Variants in ASXL2 observed in about 807,000 individuals in gnomAD.
ASXL2 encodes the protein putative Polycomb group protein ASXL2.
In ASXL2, 23 loss-of-function variants were observed where a neutral mutation model predicts 122.0. That is an observed-to-expected ratio of 0.19 (90% confidence interval 0.14 to 0.27). The LOEUF (loss-of-function observed/expected upper bound fraction) is 0.27. Among genes scored for constraint, ASXL2 ranks in the 10% least tolerant of loss-of-function variants. ASXL2 has a pLI of 1.00. For synonymous variants in ASXL2, 650 were observed against 637.0 expected, an observed-to-expected ratio of 1.02 and a Z score of -0.31; for missense variants, 1,518 against 1,713.8, an observed-to-expected ratio of 0.89 and a Z score of 2.02.
chr2:25,867,633 T>A (rs1270779859), intron 1 of ASXL2, among the ~76,000 whole-genome samples: 1 of 152,148 alleles, frequency 6.6e-6, no homozygotes, highest in Admixed American at 6.6e-5. Context: ...CATTATTATC[T>A]CCTGCCTAAA....
Position 25,806,281 on chromosome 2 carries a change from T to C in ASXL2, c.200A>G (p.Glu67Gly). The C allele has an allele frequency of 6.2e-7, 1 of 1,613,558 alleles. No individual in the cohort carries two copies. Among genetic ancestry groups the C allele is most frequent in the Non-Finnish European group, 8.5e-7 (1 of 1,179,710 alleles). Residue 67 changes from glutamate (E) to glycine (G), a missense_variant, in exon 4 of 13, where the codon GAA becomes GGA. Glu to Gly is a moderately conservative substitution (Grantham distance 98, BLOSUM62 -2). Around this residue, in one of 8 missense-constraint regions of ASXL2, gnomAD observed 12 missense variants for 60.0 expected, o/e 0.20. Transcript: ENST00000435504. ...TGGAACCTTATAGAAGATGCCCTCT[T>C]CACCTCTGGAGTTTGTGTGAAGCAT... The part of the protein sequence containing the change: ...NAMLHTNSRG[E>G]EGIFYKVPGR...
chr2:25,823,233 G>C (rs1314329425), intron 3 of ASXL2, among the ~76,000 whole-genome samples: 3 of 152,180 alleles, frequency 2.0e-5, no homozygotes, highest in South Asian at 2.1e-4. Flanking sequence ...TGATGCAGCA[G>C]TTGTGATAAA....
chr2:25,763,226 C>G (rs1344348493), intron 8 of ASXL2, among the ~76,000 whole-genome samples: 1 of 146,072 alleles, frequency 6.8e-6, no homozygotes, highest in Admixed American at 6.7e-5. Context: ...TGGCTCATGC[C>G]TGTAATCCCA....
chr2:25,783,618 A>G, intron 5 of ASXL2, among the ~76,000 whole-genome samples: 1 of 151,570 alleles, frequency 6.6e-6, no homozygotes. Flanking sequence ...TATTGACAGG[A>G]GGTATTCAGT....
At chr2:25,866,331 A>G (rs2089904076) in intron 1 of ASXL2, among the ~76,000 whole-genome samples, 1 of 152,002 alleles carries the variant, frequency 6.6e-6, no homozygotes, top group Admixed American at 6.6e-5. Flanking sequence ...AGGTTTCACC[A>G]TGTTGGCCAG....
At chr2:25,750,915 A>C (rs35728552) in intron 11 of ASXL2, among the ~76,000 whole-genome samples, 58,862 of 152,024 alleles carry the variant, frequency 0.39, 13,111 homozygotes, top group Non-Finnish European at 0.51. Flanking sequence ...ACCCAGGCCC[A>C]AAAAATCTAA....
intron 3 of ASXL2, among the ~76,000 whole-genome samples, chr2:25,828,508 C>A (rs377490140): frequency 1.6e-3 from 156 of 100,026 alleles, no homozygotes; most frequent in East Asian, 2.5e-3. Context: ...AACTCCATTT[C>A]AAAAAAAAAA....
chr2:25,787,613 C>T (rs535481570), intron 5 of ASXL2, among the ~76,000 whole-genome samples: 56 of 152,198 alleles, frequency 3.7e-4, no homozygotes, highest in South Asian at 6.2e-4. Flanking sequence ...TATATATCAG[C>T]AACACACAAT....
intron 8 of ASXL2, among the ~76,000 whole-genome samples, chr2:25,763,212 G>A (rs956551219): frequency 2.4e-4 from 36 of 151,858 alleles, no homozygotes; most frequent in African/African-American, 8.3e-4. Flanking sequence ...CAGGCTGGGC[G>A]CAGTGGCTCA....
At chr2:25,855,835 CA>C (rs200980536) in intron 1 of ASXL2, among the ~76,000 whole-genome samples, 41,886 of 105,566 alleles carry the variant, frequency 0.4, 6,738 homozygotes, top group African/African-American at 0.48. Flanking sequence ...GACTCCGTCT[CA>C]AAAAAAAAAA....
rs2087906826 is a variant in ASXL2, at chr2:25,744,480, A to AAAG, written c.1861-7_1861-5dup. On this transcript the variant is annotated splice_region_variant and splice_polypyrimidine_tract_variant and intron_variant, in intron 12 of 12. Coordinates refer to ENST00000435504, the MANE Select transcript of ASXL2 (RefSeq NM_018263.6). This position sits in a 1 kb window ranked among gnomAD's most constrained non-coding sequence, Gnocchi z 4.7. ...GGGAGATTCTGGAGACCGGGATCTG[A>AAAG]AAGAAGTAGAGGGGAAAAAAACAAC... 6.3e-7 allele frequency: 1 copy of AAAG among 1,586,638 alleles called. No homozygotes were observed. The highest frequency in any genetic ancestry group is 2.2e-5 in the East Asian group (1 of 44,702).
Position 25,734,273 on chromosome 2 carries a change from A to C in ASXL2, c.*7756T>G, listed in dbSNP as rs541052913. 2.0e-5 allele frequency: 3 copies of C among 152,244 alleles called. No individual in the cohort carries two copies. In the South Asian group the frequency reaches 6.2e-4, roughly 32 times the overall value. 9.4% of individuals were successfully genotyped at this position (152,244 alleles called of 1,614,324 possible). On this transcript the variant is annotated 3_prime_UTR_variant, in exon 13 of 13. Transcript: ENST00000435504. ...CTAGAATCTGTCTCCTTATCTAACA[A>C]AGGGGTAACCAAATCCAAGACTCTG...
intron 3 of ASXL2, among the ~76,000 whole-genome samples, chr2:25,832,130 A>C (rs2149187060): frequency 6.6e-6 from 1 of 152,338 alleles, no homozygotes; most frequent in African/African-American, 2.4e-5. Flanking sequence ...GGAAGAAAAA[A>C]CAGAAAGAAC....
At position 25,743,201 on chromosome 2, in the gene ASXL2, C is replaced by A. The variant is rs2087866756; in HGVS notation, c.3136G>T (p.Asp1046Tyr). 1 of 1,613,916 alleles carries A rather than the reference C, an allele frequency of 6.2e-7. No homozygotes were observed. Among genetic ancestry groups the A allele is most frequent in the East Asian group, 2.2e-5 (1 of 44,878 alleles). ...TATTGGTGTGTGTCAATGCTGGAGT[C>A]CCTCAGCTCCTTAGCTGAAAAGAGC... ...LQLFSAKELR[D>Y]SSIDTHQYHE... The change falls in exon 13 of 13, where the codon GAC becomes TAC. Residue 1046 changes from aspartate to tyrosine, a missense_variant. By Grantham distance (160) the Asp-to-Tyr change is radical. Coordinates refer to ENST00000435504, the MANE Select transcript of ASXL2 (RefSeq NM_018263.6).
chr2:25,877,392 TA>T (rs1439026635), intron 1 of ASXL2, among the ~76,000 whole-genome samples: 1 of 152,196 alleles, frequency 6.6e-6, no homozygotes, highest in Non-Finnish European at 1.5e-5. Context: ...AATCTACCTC[TA>T]AATTTCGTCA....
intron 5 of ASXL2, among the ~76,000 whole-genome samples, chr2:25,782,516 A>G (rs1465077523): frequency 6.6e-6 from 1 of 152,174 alleles, no homozygotes; most frequent in African/African-American, 2.4e-5. Flanking sequence ...ACTGCTCTCT[A>G]GCCTGGGCAA....
At chr2:25,855,130 C>T (rs946766930) in intron 1 of ASXL2, among the ~76,000 whole-genome samples, 1 of 152,190 alleles carries the variant, frequency 6.6e-6, no homozygotes, top group Non-Finnish European at 1.5e-5. Flanking sequence ...TTATCTATCA[C>T]TCAACAAAAT....
chr2:25,743,277 C>T lies in ASXL2; in HGVS notation c.3060G>A (p.Leu1020=), dbSNP rs777440278. The part of the protein sequence containing the change: ...RQSHPATQQQ[L]GKTLQSKQLP... ...GCTGCTTACTTTGCAAGGTTTTGCCCAGCTGCTGCTGCGTAGCTGGATGGG... is the reference window on the plus strand; with the variant it reads ...GCTGCTTACTTTGCAAGGTTTTGCCTAGCTGCTGCTGCGTAGCTGGATGGG... The change falls in exon 13 of 13, where the codon CTG becomes CTA. Residue 1020 remains leucine (L), a synonymous_variant. Transcript: ENST00000435504. The T allele has an allele frequency of 3.1e-6, 5 of 1,613,694 alleles. No individual in the cohort carries two copies. Among genetic ancestry groups the T allele is most frequent in the Non-Finnish European group, 4.2e-6 (5 of 1,179,742 alleles).
rs781524282 is a variant in ASXL2 at position 25,771,537 on chromosome 2, G to A, written c.407C>T (p.Ser136Leu). The A allele has an allele frequency of 3.3e-5, 52 of 1,597,012 alleles. No homozygotes were observed. The highest frequency in any genetic ancestry group is 6.7e-5 in the East Asian group (3 of 44,706). The change falls in exon 6 of 13, where the codon TCG (serine) becomes TTG (leucine). Residue 136 changes from serine (S) to leucine (L), a missense_variant. Coordinates refer to ENST00000435504, the MANE Select transcript of ASXL2 (RefSeq NM_018263.6). ...GCAGCCTGACTGCGGGGAGGACGAC[G>A]ATACTAGGGAAAAAAAAGTGACAAT... ...GKKSRWKRKVSSSSPQSGCPS... is the reference protein window; with the variant it reads ...GKKSRWKRKVLSSSPQSGCPS...
Sources: gnomAD v4.1 joint callset for allele counts (sites outside exome capture counted in the v4.1 genomes callset) on GRCh38, gnomAD v4.1.1 for gene constraint, gnomAD v4.1.1 regional missense constraint, Gnocchi (gnomAD v3.1) non-coding constraint, MANE v1.5 for transcripts, NCBI Gene and HGNC (gene_info 2026-07-23, HGNC 2026-07-21) for gene names.